Variants in SLCO5A1 observed in about 807,000 individuals in gnomAD.
SLCO5A1 encodes solute carrier organic anion transporter family member 5A1.
A neutral mutation model predicts 65.1 loss-of-function variants in SLCO5A1; 39 were observed. The observed-to-expected ratio is 0.60, with a 90% CI of 0.46 to 0.78. The LOEUF (loss-of-function observed/expected upper bound fraction) is 0.78. SLCO5A1 is among the 30% of genes least tolerant of loss of function. The pLI is 0.00. For missense variants in SLCO5A1, 1,029 were observed against 1,069.4 expected (o/e 0.96, Z 0.53); for synonymous variants, 438 against 415.7 (o/e 1.05, Z -0.65).
At chr8:69,762,179 T>TTTCC (rs1563708171) in intron 2 of SLCO5A1, among the ~76,000 whole-genome samples, 1 of 83,536 alleles carries the variant, frequency 1.2e-5, no homozygotes, top group Admixed American at 1.6e-4. Flanking sequence ...TCTTTCTTTC[T>TTTCC]TTCTTTCTTT....
chr8:69,819,274 G>A (rs569630220), intron 2 of SLCO5A1, among the ~76,000 whole-genome samples: 11 of 151,774 alleles, frequency 7.2e-5, no homozygotes, highest in African/African-American at 1.7e-4. Context: ...AAGTATGCAC[G>A]CAGGGAGTGA....
At chr8:69,701,187 T>G (rs943152251) in intron 6 of SLCO5A1, among the ~76,000 whole-genome samples, 1 of 152,176 alleles carries the variant, frequency 6.6e-6, no homozygotes, top group Non-Finnish European at 1.5e-5. Context: ...GGAAACTGGA[T>G]GCAGATTCAA....
intron 3 of SLCO5A1, among the ~76,000 whole-genome samples, chr8:69,758,540 A>C (rs1817621931): frequency 6.6e-6 from 1 of 152,276 alleles, no homozygotes. Flanking sequence ...CCATTAACTT[A>C]AGATTATATG....
At chr8:69,674,244 C>G (rs561512806) in intron 9 of SLCO5A1, among the ~76,000 whole-genome samples, 1 of 152,086 alleles carries the variant, frequency 6.6e-6, no homozygotes, top group Non-Finnish European at 1.5e-5. Context: ...GCAGGGGCCA[C>G]GCCTTTTATT....
At chr8:69,831,189 G>A (rs1219469351) in intron 2 of SLCO5A1, among the ~76,000 whole-genome samples, 1 of 151,886 alleles carries the variant, frequency 6.6e-6, no homozygotes, top group African/African-American at 2.4e-5. Flanking sequence ...GAACCCAGGA[G>A]GCGGAGGTTG....
chr8:69,766,525 ATGCATGTGTGTG>A (rs1431164231), intron 2 of SLCO5A1, among the ~76,000 whole-genome samples: 7 of 151,628 alleles, frequency 4.6e-5, no homozygotes, highest in African/African-American at 1.7e-4. Context: ...GTGTGTGTGT[ATGCATGTGTGTG>A]TGCATGTGTG....
At chr8:69,788,676 A>C (rs1191495265) in intron 2 of SLCO5A1, among the ~76,000 whole-genome samples, 1 of 152,216 alleles carries the variant, frequency 6.6e-6, no homozygotes, top group Non-Finnish European at 1.5e-5. Context: ...AACTGATTAT[A>C]CATATAATTA....
At position 69,672,993 on chromosome 8, in the gene SLCO5A1, G is replaced by T. The variant is rs1813390874; in HGVS notation, c.2423C>A (p.Thr808Asn). ...FSTQGEFHEETGLQKGIQCAA... is the reference protein window; with the variant it reads ...FSTQGEFHEENGLQKGIQCAA... ...GCACTGGATCCCTTTTTGCAGGCCA[G>T]TCTCTTCGTGGAATTCTCCCTGGGT... is the stretch of plus-strand genomic sequence containing the variant. Residue 808 changes from threonine (T) to asparagine (N), a missense_variant, in exon 10 of 10, where the codon ACT (threonine) becomes AAT (asparagine). By Grantham distance (65) the Thr-to-Asn change is moderately conservative. This residue lies in a region of SLCO5A1 where 258 missense variants were observed against 237.4 expected (regional missense o/e 1.09). Transcript: ENST00000260126. 1 of 1,614,110 alleles carries T rather than the reference G, an allele frequency of 6.2e-7. No homozygotes were observed. Among genetic ancestry groups the T allele is most frequent in the African/African-American group, 1.3e-5 (1 of 74,956 alleles).
intron 2 of SLCO5A1, among the ~76,000 whole-genome samples, chr8:69,809,609 C>T (rs569477793): frequency 5.2e-4 from 79 of 152,150 alleles, no homozygotes; most frequent in African/African-American, 1.8e-3. Context: ...AGGCTACTTA[C>T]AAGATGATTA....
chr8:69,834,273 G>A (rs1821317011), intron 1 of SLCO5A1: 2 of 152,838 alleles, frequency 1.3e-5, no homozygotes, highest in African/African-American at 4.8e-5. Flanking sequence ...AGGACGGGGG[G>A]CGGAATATGC....
chr8:69,832,452 TTGC>T lies in SLCO5A1; in HGVS notation c.219_221del (p.Gln74del). 1 of 1,613,020 alleles carries T rather than the reference TTGC, an allele frequency of 6.2e-7. No individual in the cohort carries two copies. Among genetic ancestry groups the T allele is most frequent in the Non-Finnish European group, 8.5e-7 (1 of 1,179,632 alleles). ...GACTGGGGGCCAACGGGTTCGGGCC[TTGC>T]TTCAACTCCTGGTGGCCCGAAGAAT... is the stretch of plus-strand genomic sequence containing the variant. On this transcript the variant is annotated inframe_deletion, in exon 2 of 10. Coordinates refer to ENST00000260126, the MANE Select transcript of SLCO5A1 (RefSeq NM_030958.3). This position sits in a 1 kb window ranked among gnomAD's most constrained non-coding sequence, Gnocchi z 4.5.
intron 5 of SLCO5A1, among the ~76,000 whole-genome samples, chr8:69,710,517 G>T (rs2959568): frequency 0.6 from 91,190 of 151,822 alleles, 27,591 homozygotes; most frequent in South Asian, 0.71. Flanking sequence ...GGTGAGATGA[G>T]CTGGAGAATA....
intron 4 of SLCO5A1, among the ~76,000 whole-genome samples, chr8:69,752,847 T>G (rs1484620852): frequency 1.3e-5 from 2 of 152,112 alleles, no homozygotes; most frequent in Non-Finnish European, 2.9e-5. Flanking sequence ...AAAGGAGACT[T>G]TATCAAAAAT....
At chr8:69,724,272 T>A (rs1410124209) in intron 5 of SLCO5A1, among the ~76,000 whole-genome samples, 1 of 152,212 alleles carries the variant, frequency 6.6e-6, no homozygotes, top group Non-Finnish European at 1.5e-5. Flanking sequence ...AACTACTGAA[T>A]AATGTATCAC....
chr8:69,729,207 G>C (rs899330741), intron 5 of SLCO5A1, among the ~76,000 whole-genome samples: 3 of 152,140 alleles, frequency 2.0e-5, no homozygotes, highest in Non-Finnish European at 4.4e-5. Context: ...CACTTTGGGA[G>C]GCCGAGGCAG....
intron 8 of SLCO5A1, among the ~76,000 whole-genome samples, chr8:69,678,454 T>C (rs1813635121): frequency 6.6e-6 from 1 of 152,234 alleles, no homozygotes; most frequent in Non-Finnish European, 1.5e-5. Flanking sequence ...ATCTTAGTTA[T>C]AAATTAAAAG....
chr8:69,789,786 G>A (rs958652808), intron 2 of SLCO5A1, among the ~76,000 whole-genome samples: 8 of 152,004 alleles, frequency 5.3e-5, no homozygotes, highest in Admixed American at 1.3e-4. Flanking sequence ...ACAACATGTT[G>A]TAAACCTCAA....
chr8:69,731,762 G>T (rs548405451), intron 5 of SLCO5A1, among the ~76,000 whole-genome samples: 51 of 152,246 alleles, frequency 3.3e-4, no homozygotes, highest in African/African-American at 1.2e-3. Context: ...TGATATAAGT[G>T]GGAAGACTTT....
intron 6 of SLCO5A1, among the ~76,000 whole-genome samples, chr8:69,684,545 G>A (rs538796373): frequency 6.6e-6 from 1 of 152,186 alleles, no homozygotes; most frequent in East Asian, 1.9e-4. Context: ...CATGGCAAAT[G>A]GCCCAAAAGT....
Sources: allele counts gnomAD v4.1 joint callset (sites outside exome capture counted in the v4.1 genomes callset), GRCh38; gene constraint gnomAD v4.1.1; regional missense constraint gnomAD v4.1.1; non-coding constraint Gnocchi (gnomAD v3.1); transcripts MANE v1.5; gene names NCBI Gene and HGNC (gene_info 2026-07-23, HGNC 2026-07-21).